FBN3: variants seen among roughly 807,000 people sequenced by gnomAD.
The protein encoded by FBN3 is fibrillin-3.
A neutral mutation model predicts 330.1 loss-of-function variants in FBN3; 234 were observed. That is an observed-to-expected ratio of 0.71 (90% CI 0.64 to 0.79). The LOEUF (loss-of-function observed/expected upper bound fraction) is 0.79, where lower values mean the gene tolerates loss of function less well. Among genes scored for constraint, FBN3 ranks in the 30% least tolerant of loss-of-function variants. FBN3 has a pLI of 0.00. For missense variants in FBN3, 3,606 were observed against 3,886.9 expected (o/e 0.93, Z 1.92); for synonymous variants, 1,458 against 1,517.3 (o/e 0.96, Z 0.91).
Position 8,131,826 on chromosome 19 carries a change from A to G in FBN3, c.1718T>C (p.Ile573Thr), listed in dbSNP as rs766902000. The G allele has an allele frequency of 1.2e-4, 183 of 1,589,296 alleles. No individual in the cohort carries two copies. The highest frequency in any genetic ancestry group is 1.6e-4 in the Non-Finnish European group (183 of 1,163,406). ...GATGCCGGGCGTCTGGCACTCGTCA[A>G]TGTCTGCAGAAGCAGTGGCGGCACG... ...LAPGGHYCMD[I>T]DECQTPGICV... The change falls in exon 15 of 64, where the codon ATT becomes ACT. Residue 573 changes from isoleucine (I) to threonine (T), a missense_variant. Transcript: ENST00000600128. This position sits in a 1 kb window ranked among gnomAD's most constrained non-coding sequence, Gnocchi z 4.5.
intron 45 of FBN3, 38 bp downstream of exon 45, chr19:8,095,926 C>T (rs1449438149): frequency 7.5e-7 from 1 of 1,330,580 alleles, no homozygotes; most frequent in Non-Finnish European, 1.1e-6. Context: ...ATTCTGAGAA[C>T]CCACTTTGTG....
intron 30 of FBN3, among the ~76,000 whole-genome samples, chr19:8,113,118 T>C (rs1360453760): frequency 6.6e-6 from 1 of 152,182 alleles, no homozygotes; most frequent in Non-Finnish European, 1.5e-5. Context: ...CATCCAGTGA[T>C]GAGTGTTCTT....
At position 8,129,070 on chromosome 19, in the gene FBN3, G is replaced by C. The variant is rs373000008; in HGVS notation, c.2254C>G (p.Pro752Ala). The change falls in exon 18 of 64, where the codon CCC becomes GCC. Residue 752 changes from proline to alanine, a missense_variant. Physicochemically the swap from Pro to Ala is conservative, Grantham distance 27. Transcript: ENST00000600128. This position sits in a 1 kb window ranked among gnomAD's most constrained non-coding sequence, Gnocchi z 4.5. ...TCCTGCCAGAAGTGGAAGCCGGGGG[G>C]GCAGGAGCAGCTGTAGCTGCCAGGG... is the stretch of plus-strand genomic sequence containing the variant. ...NSPGSYSCSCPPGFHFWQDTE... is the reference protein window; with the variant it reads ...NSPGSYSCSCAPGFHFWQDTE... 1 of 1,613,620 alleles carries C rather than the reference G, an allele frequency of 6.2e-7. No individual in the cohort carries two copies. Among genetic ancestry groups the C allele is most frequent in the Non-Finnish European group, 8.5e-7 (1 of 1,179,986 alleles).
At chr19:8,146,545 T>G (rs2083551332) in intron 3 of FBN3, among the ~76,000 whole-genome samples, 1 of 151,766 alleles carries the variant, frequency 6.6e-6, no homozygotes, top group African/African-American at 2.4e-5. Flanking sequence ...AGGTTGGGTG[T>G]CTCCTGGGAA....
At chr19:8,148,002 C>T (rs377684424) in intron 1 of FBN3, among the ~76,000 whole-genome samples, 11 of 152,068 alleles carry the variant, frequency 7.2e-5, no homozygotes, top group East Asian at 5.8e-4. Context: ...ATGGGAGGCT[C>T]ATGTCGTGGG....
At chr19:8,068,965 G>C (rs2081452650) in intron 63 of FBN3, among the ~76,000 whole-genome samples, 1 of 152,080 alleles carries the variant, frequency 6.6e-6, no homozygotes, top group African/African-American at 2.4e-5. Context: ...TGCTCTCAGA[G>C]ACCCAGCAGC....
intron 38 of FBN3, among the ~76,000 whole-genome samples, chr19:8,104,438 T>C (rs1436881290): frequency 6.7e-6 from 1 of 149,150 alleles, no homozygotes; most frequent in African/African-American, 2.5e-5. Flanking sequence ...ACCACTGCAC[T>C]CCAGCCTGGA....
chr19:8,092,260 TA>T (rs2082113345), intron 47 of FBN3, among the ~76,000 whole-genome samples: 2 of 151,624 alleles, frequency 1.3e-5, no homozygotes, highest in Non-Finnish European at 2.9e-5. Flanking sequence ...CAAAGGAAAG[TA>T]AGTCATTATA....
At position 8,088,074 on chromosome 19, in the gene FBN3, A is replaced by G. The variant is rs1486428519; in HGVS notation, c.6482T>C (p.Met2161Thr). The change falls in exon 52 of 64, where the codon ATG becomes ACG. Residue 2161 changes from methionine to threonine, a missense_variant. Transcript: ENST00000600128. ...CAGAGTTGTACCCTCGCAGGTCATC[A>G]TGAGGCCAGGCTCAAAGCCGTCAGC... ...ACADGFEPGL[M>T]MTCEDIDECS... is the part of the protein sequence containing the mutation. 3.1e-6 allele frequency: 5 copies of G among 1,614,102 alleles called. No individual in the cohort carries two copies. Among genetic ancestry groups the G allele is most frequent in the South Asian group, 1.1e-5 (1 of 91,076 alleles).
chr19:8,090,113 G>T lies in FBN3; in HGVS notation c.6170C>A (p.Pro2057His). 1.2e-6 allele frequency: 2 copies of T among 1,613,836 alleles called. No individual in the cohort carries two copies. Among genetic ancestry groups the T allele is most frequent in the Non-Finnish European group, 1.7e-6 (2 of 1,179,920 alleles). ...TGGGCACTCACCGCTGCCCTCCTGGGGACACAGTTCGCAGGGGTCTCCCCA... is the reference window on the plus strand; with the variant it reads ...TGGGCACTCACCGCTGCCCTCCTGGTGACACAGTTCGCAGGGGTCTCCCCA... Reference protein sequence around the residue: ...EGWGDPCELCPQEGSAAFQEL... With the variant: ...EGWGDPCELCHQEGSAAFQEL... The change falls in exon 49 of 64, where the codon CCC (proline) becomes CAC (histidine). Residue 2057 changes from proline (P) to histidine (H), a missense_variant. Physicochemically the swap from Pro to His is moderately conservative, Grantham distance 77. Coordinates refer to ENST00000600128, the MANE Select transcript of FBN3 (RefSeq NM_032447.5).
rs758171744 is a variant in FBN3 at position 8,102,738 on chromosome 19, G to T, written c.5075C>A (p.Pro1692His). ...QAWNRPCEAC[P>H]TPISPDYQIL... ...GGGTTACTCACGACTGATGGGAGTG[G>T]GGCAGGCCTCACAGGGTCTATTCCA... Residue 1692 changes from proline to histidine, a missense_variant, in exon 40 of 64, where the codon CCC (proline) becomes CAC (histidine). Pro to His is a moderately conservative substitution (Grantham distance 77, BLOSUM62 -2). Transcript: ENST00000600128. 1 of 1,613,454 alleles carries T rather than the reference G, an allele frequency of 6.2e-7. No homozygotes were observed. The highest frequency in any genetic ancestry group is 8.5e-7 in the Non-Finnish European group (1 of 1,179,800).
intron 59 of FBN3, among the ~76,000 whole-genome samples, chr19:8,076,086 A>G (rs1333991377): frequency 1.3e-5 from 2 of 152,204 alleles, no homozygotes; most frequent in African/African-American, 4.8e-5. Context: ...GTCTCTGCCA[A>G]GTGAGGACAC....
At position 8,089,900 on chromosome 19, in the gene FBN3, G is replaced by A. The variant is rs1020669396; in HGVS notation, c.6244C>T (p.Arg2082Ter). The change falls in exon 50 of 64, where the codon CGA becomes TGA. Residue 2082 changes from arginine to a stop codon, truncating the protein, a stop_gained. Transcript: ENST00000600128. LOFTEE classifies it high-confidence loss of function. ...HGAVPGPDDS[R>*]EDVNECAENP... ...ATGTGGGTGAGGGGCTCACCTTCTCGGGAGTCATCCGGGCCTGGGACTGCC... is the reference window on the plus strand; with the variant it reads ...ATGTGGGTGAGGGGCTCACCTTCTCAGGAGTCATCCGGGCCTGGGACTGCC... 2 of 1,598,512 alleles carry A rather than the reference G, an allele frequency of 1.3e-6. No individual in the cohort carries two copies. The highest frequency in any genetic ancestry group is 1.3e-5 in the African/African-American group (1 of 74,812).
At position 8,131,091 on chromosome 19, in the gene FBN3, T is replaced by C; in HGVS notation, c.2044+144A>G. ...TCTGGCCTGCAGGAGTGTGAGAGAA[T>C]CAGCTTCTGTTGTTGAAGCCGTCTG... On this transcript the variant is annotated intron_variant, in intron 16 of 63. Transcript: ENST00000600128. The surrounding 1 kb of genome is among the most constrained non-coding windows in gnomAD (Gnocchi z 4.5). The C allele has an allele frequency of 1.5e-6, 1 of 681,666 alleles. No individual in the cohort carries two copies. The highest frequency in any genetic ancestry group is 1.9e-5 in the South Asian group (1 of 51,290). The allele number at this position is 681,666 out of a possible 1,614,324, so 42.2% of individuals were successfully genotyped here.
In FBN3 at chr19:8,109,306, A is replaced by G. The variant is rs2082522934; in HGVS notation, c.4539T>C (p.Gly1513=). The G allele has an allele frequency of 6.2e-7, 1 of 1,614,032 alleles. No individual in the cohort carries two copies. Among genetic ancestry groups the G allele is most frequent in the Admixed American group, 1.7e-5 (1 of 60,000 alleles). ...AGCAACAGCAGGAAGCTCGGGTGAC[A>G]CCAACTCCGATCTCGGCACTGCAGG... ...GISCSAEIGV[G]VTRASCCCSL... The change falls in exon 36 of 64, where the codon GGT becomes GGC. Residue 1513 remains glycine, a synonymous_variant. Coordinates refer to ENST00000600128, the MANE Select transcript of FBN3 (RefSeq NM_032447.5). This position sits in a 1 kb window ranked among gnomAD's most constrained non-coding sequence, Gnocchi z 5.2.
chr19:8,072,259 C>T, intron 62 of FBN3, 61 bp from the exon 63 acceptor site: 1 of 1,453,290 alleles, frequency 6.9e-7, no homozygotes. Flanking sequence ...CCTCCCCAGC[C>T]ACGCCGCTCC....
chr19:8,146,345 G>A, intron 3 of FBN3, 120 bp from the exon 4 acceptor site: 2 of 803,422 alleles, frequency 2.5e-6, no homozygotes, highest in Non-Finnish European at 4.1e-6. Flanking sequence ...TGCATCCCCG[G>A]CTCTGCTCAT....
At chr19:8,139,216 G>A (rs753066438) in intron 8 of FBN3, among the ~76,000 whole-genome samples, 40 of 147,512 alleles carry the variant, frequency 2.7e-4, no homozygotes, top group African/African-American at 9.6e-4. Flanking sequence ...GTGCGGTGGC[G>A]CACACCTGTA....
intron 3 of FBN3, 31 bp downstream of exon 3, chr19:8,147,073 C>A (rs368633114): frequency 4.4e-5 from 68 of 1,535,512 alleles, no homozygotes; most frequent in African/African-American, 1.4e-5. Context: ...CGGCCTGTGC[C>A]CCCCCACCTC....
Sources: allele counts gnomAD v4.1 joint callset (sites outside exome capture counted in the v4.1 genomes callset), GRCh38; gene constraint gnomAD v4.1.1; non-coding constraint Gnocchi (gnomAD v3.1); transcripts MANE v1.5; gene names NCBI Gene and HGNC (gene_info 2026-07-23, HGNC 2026-07-21).